Variants in POLR1D observed in about 807,000 individuals in gnomAD.
POLR1D encodes RNA polymerase I and III subunit D.
In POLR1D, 8 loss-of-function variants were observed where a neutral mutation model predicts 10.8. The observed-to-expected ratio is 0.74, with a 90% confidence interval of 0.43 to 1.33. The LOEUF (loss-of-function observed/expected upper bound fraction) is 1.33, where lower values mean the gene tolerates loss of function less well. Among genes scored for constraint, POLR1D ranks in the 40% most tolerant of loss-of-function variants. POLR1D has a pLI of 0.01. For synonymous variants in POLR1D, 54 were observed against 57.2 expected, an observed-to-expected ratio of 0.94 and a Z score of 0.25; for missense variants, 152 against 161.7, an observed-to-expected ratio of 0.94 and a Z score of 0.32.
intron 1 of POLR1D, among the ~76,000 whole-genome samples, chr13:27,640,197 G>A: frequency 6.6e-6 from 1 of 152,128 alleles, no homozygotes; most frequent in East Asian, 1.9e-4. Flanking sequence ...ATTCAAAGGA[G>A]AATTGCCTGG....
chr13:27,623,554 C>A, downstream of POLR1D: 1 of 328,636 alleles, frequency 3.0e-6, no homozygotes, highest in Non-Finnish European at 5.7e-6. Context: ...ATATCAGAGG[C>A]CTAGACAAGA....
chr13:27,623,036 C>G lies in POLR1D; in HGVS notation c.188C>G (p.Pro63Arg), dbSNP rs747105233. 1 of 1,613,954 alleles carries G rather than the reference C, an allele frequency of 6.2e-7. No homozygotes were observed. The highest frequency in any genetic ancestry group is 1.7e-5 in the Admixed American group (1 of 60,010). ...CTACGTTACATGATCATGAAGAACC[C>G]GGAAGTGGAATTTTGTGGTTACACT... The part of the protein sequence containing the change: ...NSLRYMIMKN[P>R]EVEFCGYTTT... Residue 63 changes from proline (P) to arginine (R), a missense_variant, in exon 2 of 2, where the codon CCG becomes CGG. Physicochemically the swap from Pro to Arg is moderately radical, Grantham distance 103. Coordinates refer to ENST00000302979, the MANE Select transcript of POLR1D (RefSeq NM_015972.4).
Position 27,623,296 on chromosome 13 carries a change from T to C in POLR1D, c.*46T>C, listed in dbSNP as rs974711550. On this transcript the variant is annotated 3_prime_UTR_variant, in exon 2 of 2. Transcript: ENST00000302979. Reference sequence around the variant, plus strand: ...GAGAACTGTCCTGTAGGATATTCTCTTCCTGATGGTGCAGAACCCAGAATT... The same window carrying C: ...GAGAACTGTCCTGTAGGATATTCTCCTCCTGATGGTGCAGAACCCAGAATT... 5 of 1,611,432 alleles carry C rather than the reference T, an allele frequency of 3.1e-6. No individual in the cohort carries two copies. Among genetic ancestry groups the C allele is most frequent in the African/African-American group, 1.3e-5 (1 of 74,900 alleles).
intron 2 of POLR1D, among the ~76,000 whole-genome samples, chr13:27,653,834 C>G (rs2138563260): frequency 6.6e-6 from 1 of 152,030 alleles, no homozygotes; most frequent in East Asian, 1.9e-4. Context: ...TAGAAGACAC[C>G]TGGGTTCTTA....
intron 1 of POLR1D, among the ~76,000 whole-genome samples, chr13:27,646,865 A>C (rs60973925): frequency 7.9e-4 from 120 of 152,306 alleles, no homozygotes; most frequent in African/African-American, 2.8e-3. Context: ...TGTCTTTTTA[A>C]ACTATGTGCA....
chr13:27,645,567 C>A (rs185957171), intron 1 of POLR1D, among the ~76,000 whole-genome samples: 120 of 152,202 alleles, frequency 7.9e-4, no homozygotes, highest in African/African-American at 2.8e-3. Context: ...AGCTCTATAT[C>A]TTCATTAGTT....
rs537784911 is a variant in POLR1D, at chr13:27,658,205, G to A, written c.102-7481G>A. ...CTTTGGAGTTTTAAAGAGCTACCCG[G>A]GTGATTCTAAAGTGAACACAAATTT... is the stretch of plus-strand genomic sequence containing the variant. On this transcript the variant is annotated intron_variant, in intron 2 of 2. Coordinates refer to the POLR1D transcript ENST00000399697. 5.9e-5 allele frequency among the ~76,000 whole-genome samples: 9 copies of A among 152,238 alleles called. No homozygotes were observed. The South Asian group carries it at 1.9e-3, about 32-fold the overall frequency.
exon 3 of POLR1D, chr13:27,667,040 G>A (rs1021699482): frequency 1.3e-5 from 2 of 152,194 alleles, no homozygotes; most frequent in African/African-American, 4.8e-5. Context: ...CTTTCTACAT[G>A]CTAGAAGGAA....
exon 3 of POLR1D, chr13:27,665,943 A>G (rs1956413249): frequency 1.2e-6 from 2 of 1,614,084 alleles, no homozygotes; most frequent in Non-Finnish European, 8.5e-7. Flanking sequence ...AAGCGGTCCA[A>G]CCGGCGGTGA....
At chr13:27,641,946 G>A (rs1956177606) in intron 1 of POLR1D, among the ~76,000 whole-genome samples, 1 of 152,120 alleles carries the variant, frequency 6.6e-6, no homozygotes, top group African/African-American at 2.4e-5. Context: ...CCTAGATGTG[G>A]TTATCCCACA....
In POLR1D at chr13:27,621,930, G is replaced by T. The variant is rs1056522449; in HGVS notation, c.-54G>T. The T allele has an allele frequency of 6.4e-7, 1 of 1,564,136 alleles. No individual in the cohort carries two copies. Among genetic ancestry groups the T allele is most frequent in the South Asian group, 1.2e-5 (1 of 85,684 alleles). On this transcript the variant is annotated 5_prime_UTR_variant, in exon 1 of 2. Transcript: ENST00000302979. ...TTCGCCTCCGCGCCTCGCGCTATGG[G>T]ACAGAGCCCCCGATCCGCCAGCACC...
At chr13:27,622,462 TG>T (rs1418221007) in intron 1 of POLR1D, 4 of 285,418 alleles carry the variant, frequency 1.4e-5, no homozygotes, top group Non-Finnish European at 2.7e-5. Flanking sequence ...AAGCCGTAGT[TG>T]GGCCTGCACA....
At chr13:27,639,388 A>G (rs1956155445) in intron 1 of POLR1D, among the ~76,000 whole-genome samples, 1 of 152,158 alleles carries the variant, frequency 6.6e-6, no homozygotes, top group Non-Finnish European at 1.5e-5. Flanking sequence ...TGTATTGTCC[A>G]TGGGCTTTTC....
chr13:27,628,387 G>C (rs1466710166), downstream of POLR1D, among the ~76,000 whole-genome samples: 2 of 152,200 alleles, frequency 1.3e-5, no homozygotes, highest in Non-Finnish European at 2.9e-5. Context: ...GGCAGAGTTA[G>C]ACAATAAAGA....
chr13:27,652,866 C>CAAAA (rs34688215), intron 2 of POLR1D, among the ~76,000 whole-genome samples: 8 of 117,192 alleles, frequency 6.8e-5, no homozygotes, highest in African/African-American at 2.9e-4. Context: ...GACTCCATCT[C>CAAAA]AAAAAAAAAA....
chr13:27,627,945 A>G (rs1440894660), downstream of POLR1D, among the ~76,000 whole-genome samples: 1 of 152,140 alleles, frequency 6.6e-6, no homozygotes, highest in Admixed American at 6.5e-5. Context: ...GGGGTAATAG[A>G]AGAGTTGTAG....
At position 27,641,002 on chromosome 13, in the gene POLR1D, G is replaced by A. The variant is rs183096460; in HGVS notation, c.27-7377G>A. ...GTACAATGTAAATTCTAAGTAAATA[G>A]CTCTTATTCCGTATTGGTTTTTATT... On this transcript the variant is annotated intron_variant, in intron 1 of 2. Coordinates refer to the POLR1D transcript ENST00000399697. Among the ~76,000 whole-genome samples, 69 of 152,058 alleles carry A rather than the reference G, an allele frequency of 4.5e-4. No individual in the cohort carries two copies. The East Asian group carries it at 6.6e-3, about 14-fold the overall frequency.
At position 27,648,523 on chromosome 13, in the gene POLR1D, T is replaced by C. The variant is rs149968589; in HGVS notation, c.101+70T>C. On this transcript the variant is annotated intron_variant, in intron 2 of 2. Transcript: ENST00000399697. ...TTAGCTGGAGATATAAATATGTAAA[T>C]CTTTAGCATATAGAGGAAATGGGAA... 3.7e-3 allele frequency: 3,571 copies of C among 963,054 alleles called. 68 individuals carry two copies. In the African/African-American group the frequency reaches 0.048, roughly 13 times the overall value. The allele number at this position is 963,054 out of a possible 1,614,324, so 59.7% of individuals were successfully genotyped here. A position where few individuals can be genotyped will look rare whatever the true frequency, so the allele number is the denominator to read the frequency against.
chr13:27,665,602 T>G (rs1956407808), intron 2 of POLR1D: 1 of 1,229,502 alleles, frequency 8.1e-7, no homozygotes, highest in Non-Finnish European at 1.2e-6. Flanking sequence ...GCAGGATTCT[T>G]TGGTACTAAT....
Sources: allele counts gnomAD v4.1 joint callset (sites outside exome capture counted in the v4.1 genomes callset), GRCh38; gene constraint gnomAD v4.1.1; transcripts MANE v1.5; gene names NCBI Gene and HGNC (gene_info 2026-07-23, HGNC 2026-07-21).